The following ALDH7A1 variants were observed in gnomAD, a reference collection of about 807,000 sequenced individuals.
ALDH7A1 encodes alpha-aminoadipic semialdehyde dehydrogenase.
ALDH7A1 carries 63 observed loss-of-function variants against 79.9 expected under a neutral mutation model. The ratio of observed to expected loss-of-function variants is 0.79; its 90% CI spans 0.64 to 0.97. ALDH7A1 has a LOEUF of 0.97. ALDH7A1 is among the 50% of genes least tolerant of loss of function. The pLI is 0.00. For missense variants in ALDH7A1, 627 were observed against 665.2 expected, an observed-to-expected ratio of 0.94 and a Z score of 0.63; for synonymous variants, 240 against 231.2, an observed-to-expected ratio of 1.04 and a Z score of -0.34.
Position 126,595,119 on chromosome 5 carries a change from G to A in ALDH7A1, c.80C>T (p.Ala27Val). 1 of 1,583,042 alleles carries A rather than the reference G, an allele frequency of 6.3e-7. No individual in the cohort carries two copies. Among genetic ancestry groups the A allele is most frequent in the South Asian group, 1.2e-5 (1 of 86,764 alleles). Residue 27 changes from alanine (A) to valine (V), a missense_variant, in exon 1 of 18, where the codon GCC becomes GTC. Ala to Val is a moderately conservative substitution (Grantham distance 64, BLOSUM62 0). Transcript: ENST00000409134. ...KLSGPWSRPAAFMSTLLINQP... is the reference protein window; with the variant it reads ...KLSGPWSRPAVFMSTLLINQP... ...ATTGATGAGGAGAGTGGACATGAAG[G>A]CGGCAGGCCTGCTCCAAGGTCCAGA...
At position 126,554,397 on chromosome 5, in the gene ALDH7A1, GA is replaced by G. The variant is rs761182323; in HGVS notation, c.1094-5del. ...AGTGGCCCATAGAGAACATTAGCTG[GA>G]GAGAGAAAAGGAAGGCTGGCTCATC... On this transcript the variant is annotated splice_region_variant and splice_polypyrimidine_tract_variant and intron_variant, in intron 12 of 17. Coordinates refer to ENST00000409134, the MANE Select transcript of ALDH7A1 (RefSeq NM_001182.5). The G allele has an allele frequency of 8.7e-6, 14 of 1,613,402 alleles. No individual in the cohort carries two copies. The highest frequency in any genetic ancestry group is 1.2e-5 in the Non-Finnish European group (14 of 1,179,476).
At chr5:126,547,451 C>T (rs2112747979) in intron 16 of ALDH7A1, among the ~76,000 whole-genome samples, 1 of 152,338 alleles carries the variant, frequency 6.6e-6, no homozygotes, top group Middle Eastern at 3.4e-3. Context: ...GCTCACTATT[C>T]TGAGAGCTGG....
intron 16 of ALDH7A1, among the ~76,000 whole-genome samples, chr5:126,547,911 G>C (rs969499160): frequency 1.3e-5 from 2 of 152,000 alleles, no homozygotes; most frequent in African/African-American, 4.8e-5. Context: ...AATTAGCCAG[G>C]CATGGTGGCG....
At chr5:126,570,701 G>T in intron 8 of ALDH7A1, 81 bp downstream of exon 8, 1 of 1,328,376 alleles carries the variant, frequency 7.5e-7, no homozygotes, top group Non-Finnish European at 1.1e-6. Context: ...TTATAAGTGA[G>T]TTCATTATTC....
rs796052262 is a variant in ALDH7A1, at chr5:126,552,131, C to T, written c.1207G>A (p.Asp403Asn). Residue 403 changes from aspartate to asparagine, a missense_variant, in exon 14 of 18, where the codon GAT becomes AAT. Asp to Asn is a conservative substitution (Grantham distance 23, BLOSUM62 1). Coordinates refer to ENST00000409134, the MANE Select transcript of ALDH7A1 (RefSeq NM_001182.5). ...GTVVYGGKVM[D>N]RPGNYVEPTI... is the part of the protein sequence containing the mutation. Reference sequence around the variant, plus strand: ...GGTTCTACATAATTTCCAGGGCGATCCATAACCTAATGCAGAGAAATGAAA... The same window carrying T: ...GGTTCTACATAATTTCCAGGGCGATTCATAACCTAATGCAGAGAAATGAAA... The T allele has an allele frequency of 1.2e-6, 2 of 1,613,032 alleles. No homozygotes were observed. Among genetic ancestry groups the T allele is most frequent in the Non-Finnish European group, 1.7e-6 (2 of 1,179,126 alleles).
chr5:126,574,120 T>C (rs929984810), intron 7 of ALDH7A1, among the ~76,000 whole-genome samples: 1 of 151,738 alleles, frequency 6.6e-6, no homozygotes, highest in Non-Finnish European at 1.5e-5. Flanking sequence ...AATAATCTTC[T>C]AGGCTGGGCA....
intron 7 of ALDH7A1, among the ~76,000 whole-genome samples, chr5:126,574,847 G>A (rs913692606): frequency 6.6e-6 from 1 of 152,144 alleles, no homozygotes; most frequent in African/African-American, 2.4e-5. Flanking sequence ...TACATGGGAA[G>A]GCACCCTAAC....
At chr5:126,590,958 A>T (rs915411837) in intron 3 of ALDH7A1, among the ~76,000 whole-genome samples, 1 of 152,056 alleles carries the variant, frequency 6.6e-6, no homozygotes, top group Non-Finnish European at 1.5e-5. Flanking sequence ...AATTTTATAC[A>T]CACCATGTAT....
intron 10 of ALDH7A1, among the ~76,000 whole-genome samples, chr5:126,559,975 C>T (rs1170921458): frequency 1.0e-5 from 1 of 99,284 alleles, no homozygotes; most frequent in East Asian, 2.0e-4. Context: ...GACGGAGTCT[C>T]ACTCTGTCAC....
At chr5:126,592,809 A>C in intron 2 of ALDH7A1, 80 bp from the exon 3 acceptor site, 3 of 1,399,612 alleles carry the variant, frequency 2.1e-6, no homozygotes, top group Non-Finnish European at 3.0e-6. Context: ...AAATATTTTC[A>C]GAAAAGAGTT....
At chr5:126,548,699 T>C (rs1749882119) in intron 16 of ALDH7A1, among the ~76,000 whole-genome samples, 1 of 152,022 alleles carries the variant, frequency 6.6e-6, no homozygotes, top group Non-Finnish European at 1.5e-5. Flanking sequence ...AGTGCCAGGA[T>C]TTCAGGTGTA....
intron 13 of ALDH7A1, chr5:126,553,264 A>G (rs1318243558): frequency 6.6e-6 from 1 of 152,092 alleles, no homozygotes; most frequent in East Asian, 1.9e-4. Context: ...TGTCCCATGC[A>G]TTTTCTGCTG....
chr5:126,542,138 C>A lies in ALDH7A1; in HGVS notation c.*2827G>T. 1 of 123,254 alleles carries A rather than the reference C, an allele frequency of 8.1e-6. No individual in the cohort carries two copies. 7.6% of individuals were successfully genotyped at this position (123,254 alleles called of 1,614,324 possible). On this transcript the variant is annotated 3_prime_UTR_variant, in exon 18 of 18. Transcript: ENST00000409134. ...CAGGAAGCTTCTGCAGGATAAGCTCCAGGTGTAGAAAAAAAAAAAAAAAAA... is the reference window on the plus strand; with the variant it reads ...CAGGAAGCTTCTGCAGGATAAGCTCAAGGTGTAGAAAAAAAAAAAAAAAAA...
intron 10 of ALDH7A1, among the ~76,000 whole-genome samples, chr5:126,560,467 G>A (rs1198146669): frequency 2.6e-5 from 4 of 151,598 alleles, no homozygotes; most frequent in Non-Finnish European, 4.4e-5. Context: ...TAAGACTCCC[G>A]TCTCAAAAAA....
intron 8 of ALDH7A1, chr5:126,570,242 T>C (rs1393420900): frequency 6.3e-6 from 1 of 158,814 alleles, no homozygotes; most frequent in Non-Finnish European, 1.4e-5. Flanking sequence ...TACAATACTC[T>C]GAATATTTTA....
chr5:126,579,647 A>G (rs1751103080), intron 5 of ALDH7A1, among the ~76,000 whole-genome samples: 1 of 132,638 alleles, frequency 7.5e-6, no homozygotes, highest in African/African-American at 3.9e-5. Flanking sequence ...AAATGAGTAA[A>G]CTGCTTTAAA....
chr5:126,577,290 C>G, intron 5 of ALDH7A1, 79 bp from the exon 6 acceptor site: 1 of 1,523,530 alleles, frequency 6.6e-7, no homozygotes, highest in Non-Finnish European at 9.0e-7. Context: ...AAACGTACAG[C>G]AGACTGGAGA....
In ALDH7A1 at chr5:126,593,433, T is replaced by G. The variant is rs756220906; in HGVS notation, c.193-29A>C. ...AAAACAAAAGGATGATGATCATGTA[T>G]AGAAAACGTAATCCCTTTTGAAGTA... On this transcript the variant is annotated intron_variant, in intron 1 of 17. Transcript: ENST00000409134. 9.9e-6 allele frequency: 16 copies of G among 1,613,622 alleles called. No individual in the cohort carries two copies. The Admixed American group carries it at 2.7e-4, about 27-fold the overall frequency.
At chr5:126,556,237 G>GTTT (rs1238284841) in intron 11 of ALDH7A1, among the ~76,000 whole-genome samples, 2 of 93,874 alleles carry the variant, frequency 2.1e-5, no homozygotes, top group African/African-American at 3.7e-5. Flanking sequence ...CATAAGCCAT[G>GTTT]TCTTTTTTTT....
Sources: allele counts gnomAD v4.1 joint callset (sites outside exome capture counted in the v4.1 genomes callset), GRCh38; gene constraint gnomAD v4.1.1; transcripts MANE v1.5; gene names NCBI Gene and HGNC (gene_info 2026-07-23, HGNC 2026-07-21).